Variants in AAMDC observed in about 807,000 individuals in gnomAD.
AAMDC encodes adipogenesis associated Mth938 domain containing, also known as mth938 domain-containing protein.
Under a neutral mutation model 15.5 loss-of-function variants are expected in AAMDC, and 16 were observed. That is an observed-to-expected ratio of 1.03 (90% CI 0.70 to 1.57). The LOEUF is 1.57. Ranked by LOEUF, AAMDC falls within the 40% of genes most tolerant of loss-of-function variation. The probability of loss-of-function intolerance (pLI) is 0.00; values close to 1 mark genes in which losing one functional copy is unlikely to be tolerated. For missense variants in AAMDC, 141 were observed against 144.9 expected, an observed-to-expected ratio of 0.97 and a Z score of 0.14; for synonymous variants, 51 against 51.6, an observed-to-expected ratio of 0.99 and a Z score of 0.05.
intron 2 of AAMDC, among the ~76,000 whole-genome samples, chr11:77,865,810 T>C (rs150430809): frequency 4.6e-5 from 7 of 152,374 alleles, no homozygotes; most frequent in Non-Finnish European, 1.0e-4. Flanking sequence ...ATGTTTCCTC[T>C]ATAATCTTAC....
chr11:77,828,725 A>C (rs1214243759), intron 1 of AAMDC, among the ~76,000 whole-genome samples: 2 of 152,176 alleles, frequency 1.3e-5, no homozygotes, highest in Non-Finnish European at 2.9e-5. Context: ...GAAATTTTAA[A>C]AGACGTACAT....
chr11:77,899,156 T>C lies in AAMDC; in HGVS notation c.329-1415T>C, dbSNP rs577947121. Among the ~76,000 whole-genome samples the C allele has an allele frequency of 2.0e-3, 298 of 152,266 alleles. 2 individuals are homozygous for C. The highest frequency in any genetic ancestry group is 2.7e-3 in the Non-Finnish European group (183 of 68,026). On this transcript the variant is annotated intron_variant, in intron 5 of 5. Coordinates refer to the AAMDC transcript ENST00000304716. ...GGGAACAAACTGAGGCCAAGAATTG[T>C]TAAGTAACTTGTCCAAGGGTTACTC...
chr11:77,876,139 T>C (rs1951587923), downstream of AAMDC, among the ~76,000 whole-genome samples: 1 of 152,084 alleles, frequency 6.6e-6, no homozygotes, highest in Non-Finnish European at 1.5e-5. Context: ...CTAAAGGACT[T>C]GATGGCTACT....
intron 1 of AAMDC, among the ~76,000 whole-genome samples, chr11:77,837,443 TTTTG>T (rs370882837): frequency 2.2e-3 from 332 of 150,342 alleles, no homozygotes; most frequent in South Asian, 2.7e-3. Context: ...TCCCTTTGGT[TTTTG>T]TTTGTTTGTT....
intron 5 of AAMDC, chr11:77,883,902 G>C: frequency 6.2e-7 from 1 of 1,613,282 alleles, no homozygotes; most frequent in African/African-American, 1.3e-5. Context: ...GATTCCGGAA[G>C]TCTGCAGGCT....
chr11:77,896,324 G>A (rs1209922207), intron 5 of AAMDC, among the ~76,000 whole-genome samples: 2 of 152,078 alleles, frequency 1.3e-5, no homozygotes, highest in Admixed American at 6.5e-5. Context: ...CAACAACAAT[G>A]TAAACTGAAA....
At chr11:77,873,886 C>T (rs1439068650), downstream of AAMDC, among the ~76,000 whole-genome samples, 2 of 152,106 alleles carry the variant, frequency 1.3e-5, no homozygotes, top group Non-Finnish European at 2.9e-5. Context: ...TAAATAAAAT[C>T]GCTCCACCCC....
chr11:77,873,838 A>G, downstream of AAMDC, among the ~76,000 whole-genome samples: 1 of 152,206 alleles, frequency 6.6e-6, no homozygotes, highest in Non-Finnish European at 1.5e-5. Context: ...TCTTTTAACT[A>G]GACATTTACT....
At chr11:77,848,038 G>A (rs1243520371) in intron 2 of AAMDC, among the ~76,000 whole-genome samples, 1 of 152,158 alleles carries the variant, frequency 6.6e-6, no homozygotes, top group Non-Finnish European at 1.5e-5. Context: ...TACCAACATA[G>A]GGGAGGGTAG....
At chr11:77,891,356 T>C in intron 5 of AAMDC, 1 of 1,610,968 alleles carries the variant, frequency 6.2e-7, no homozygotes. Context: ...CTGCACATGC[T>C]CCAGGGTTGC....
intron 5 of AAMDC, among the ~76,000 whole-genome samples, chr11:77,897,695 C>T (rs1952590737): frequency 2.0e-5 from 3 of 150,866 alleles, no homozygotes; most frequent in Non-Finnish European, 2.9e-5. Flanking sequence ...TTAGTAGAGA[C>T]GGGGTTTCAC....
downstream of AAMDC, among the ~76,000 whole-genome samples, chr11:77,872,705 T>A (rs1180491203): frequency 6.6e-6 from 1 of 152,160 alleles, no homozygotes; most frequent in East Asian, 1.9e-4. Context: ...CCCAACACTT[T>A]GGGAGGCCGA....
intron 1 of AAMDC, chr11:77,840,933 G>C: frequency 2.3e-6 from 1 of 429,956 alleles, no homozygotes; most frequent in Non-Finnish European, 4.2e-6. Context: ...TCCATTTTGT[G>C]CTTAATCCAT....
intron 5 of AAMDC, among the ~76,000 whole-genome samples, chr11:77,898,395 CT>C (rs1320092085): frequency 6.6e-6 from 1 of 152,158 alleles, no homozygotes; most frequent in Non-Finnish European, 1.5e-5. Flanking sequence ...AACTCCTGAC[CT>C]CGTGATCCAC....
chr11:77,900,801 A>C, downstream of AAMDC: 1 of 594,638 alleles, frequency 1.7e-6, no homozygotes, highest in South Asian at 2.1e-5. Context: ...AGTTATCTGA[A>C]AGTCTTACAG....
At chr11:77,866,448 C>T (rs628668) in intron 2 of AAMDC, 34,691 of 152,040 alleles carry the variant, frequency 0.23, 4,050 homozygotes, top group Middle Eastern at 0.25. Context: ...ATAATAGTCT[C>T]AAGCTCCAAT....
intron 5 of AAMDC, among the ~76,000 whole-genome samples, chr11:77,879,652 C>T (rs1186644475): frequency 6.6e-6 from 1 of 152,176 alleles, no homozygotes; most frequent in Non-Finnish European, 1.5e-5. Flanking sequence ...TGTCTGAAAA[C>T]ATCTCATTCT....
intron 1 of AAMDC, among the ~76,000 whole-genome samples, chr11:77,821,675 A>T (rs1948910386): frequency 6.6e-6 from 1 of 151,760 alleles, no homozygotes; most frequent in Admixed American, 6.6e-5. Flanking sequence ...ACATGACAGG[A>T]GACGGTGGAG....
At chr11:77,837,322 A>G (rs1176451221) in intron 1 of AAMDC, among the ~76,000 whole-genome samples, 1 of 152,080 alleles carries the variant, frequency 6.6e-6, no homozygotes, top group East Asian at 1.9e-4. Flanking sequence ...TTTTTAGTAG[A>G]GACAGGGTTT....
Sources: allele counts gnomAD v4.1 joint callset (sites outside exome capture counted in the v4.1 genomes callset), GRCh38; gene constraint gnomAD v4.1.1; transcripts MANE v1.5; gene names NCBI Gene and HGNC (gene_info 2026-07-23, HGNC 2026-07-21).